The following DENND1C variants were observed in gnomAD, a reference collection of about 807,000 sequenced individuals.
The protein encoded by DENND1C is DENN domain containing 1C, also known as DENN domain-containing protein 1C.
A neutral mutation model predicts 87.9 loss-of-function variants in DENND1C; 64 were observed. The ratio of observed to expected loss-of-function variants is 0.73; its 90% CI spans 0.60 to 0.90. The LOEUF is 0.90. DENND1C is among the 40% of genes least tolerant of loss of function. The pLI is 0.00. For missense variants in DENND1C, 980 were observed against 1,037.0 expected (o/e 0.95, Z 0.76); for synonymous variants, 384 against 424.4 (o/e 0.90, Z 1.17).
chr19:6,481,261 C>T (rs1913546460), intron 1 of DENND1C, among the ~76,000 whole-genome samples: 3 of 151,802 alleles, frequency 2.0e-5, no homozygotes, highest in Admixed American at 1.3e-4. Context: ...ACACACAGTC[C>T]CCACCATGGG....
At chr19:6,475,629 G>C in intron 12 of DENND1C, 44 bp from the exon 13 acceptor site, 1 of 1,613,532 alleles carries the variant, frequency 6.2e-7, no homozygotes, top group Non-Finnish European at 8.5e-7. Flanking sequence ...GGGAGTCCTT[G>C]GCAGAGGAGG....
rs1349814787 is a variant in DENND1C, at chr19:6,477,247, G to A, written c.484C>T (p.Pro162Ser). Residue 162 changes from proline (P) to serine (S), a missense_variant, in exon 8 of 23, where the codon CCC becomes TCC. Transcript: ENST00000381480. ...TTGCTATTCCCCCGGGTAGGGGGGG[G>A]GATACCCTGCCCGCTGGAGACCGTC... ...GVTVSSGQGI[P>S]PPTRGNSKPL... 5.1e-6 allele frequency: 8 copies of A among 1,583,462 alleles called. No homozygotes were observed. The highest frequency in any genetic ancestry group is 6.9e-6 in the Non-Finnish European group (8 of 1,163,222).
chr19:6,475,217 C>T (rs990793431), intron 14 of DENND1C, 57 bp downstream of exon 14: 19 of 1,606,410 alleles, frequency 1.2e-5, no homozygotes, highest in African/African-American at 2.7e-5. Context: ...CCTATCGTTA[C>T]ATTGCGATTC....
At chr19:6,473,250 G>A (rs1227755202) in intron 14 of DENND1C, among the ~76,000 whole-genome samples, 1 of 152,138 alleles carries the variant, frequency 6.6e-6, no homozygotes, top group Non-Finnish European at 1.5e-5. Context: ...TGCCTCCAGG[G>A]TTCAAGCGAT....
rs59685749 is a variant in DENND1C at position 6,477,606 on chromosome 19, TTAATAATAA to T, written c.367-157_367-149del. Reference sequence around the variant, plus strand: ...TTTTTTTTTCTTTCTTTAAAAGAAATTAATAATAATAATAATAATAATAATAGAGACAAA... The same window carrying T: ...TTTTTTTTTCTTTCTTTAAAAGAAATTAATAATAATAATAATAGAGACAAA... On this transcript the variant is annotated intron_variant, in intron 6 of 22. Transcript: ENST00000381480. The T allele has an allele frequency of 9.1e-4, 167 of 183,506 alleles. 4 individuals are homozygous for T. Among genetic ancestry groups the T allele is most frequent in the African/African-American group, 4.6e-3 (156 of 34,074 alleles). The allele number at this position is 183,506 out of a possible 1,614,324, so 11.4% of individuals were successfully genotyped here. A position where few individuals can be genotyped will look rare whatever the true frequency, so the allele number is the denominator to read the frequency against.
intron 6 of DENND1C, among the ~76,000 whole-genome samples, chr19:6,478,009 A>G (rs955498983): frequency 3.3e-5 from 5 of 151,558 alleles, no homozygotes; most frequent in Admixed American, 6.5e-5. Context: ...CGGAATGCGG[A>G]GGTTGCAGTG....
At chr19:6,476,297 G>A (rs1168410288) in intron 10 of DENND1C, 5 of 251,198 alleles carry the variant, frequency 2.0e-5, no homozygotes, top group Non-Finnish European at 3.8e-5. Flanking sequence ...CGCCCCTAGG[G>A]GTGGATCCAA....
At chr19:6,475,981 T>C in intron 10 of DENND1C, 44 bp from the exon 11 acceptor site, 1 of 1,481,208 alleles carries the variant, frequency 6.8e-7, no homozygotes, top group South Asian at 1.3e-5. Context: ...CTGGACCCTC[T>C]AGCGCGAGGT....
Position 6,477,407 on chromosome 19 carries a change from C to G in DENND1C, c.418G>C (p.Gly140Arg). 6.2e-7 allele frequency: 1 copy of G among 1,613,422 alleles called. No homozygotes were observed. The highest frequency in any genetic ancestry group is 8.5e-7 in the Non-Finnish European group (1 of 1,179,758). The change falls in exon 7 of 23, where the codon GGG (glycine) becomes CGG (arginine). Residue 140 changes from glycine (G) to arginine (R), a missense_variant. Coordinates refer to ENST00000381480, the MANE Select transcript of DENND1C (RefSeq NM_024898.4). ...LQNLFQQSLS[G>R]PQASVGLELG... is the part of the protein sequence containing the mutation. ...TCAAGCCCCACTGAGGCCTGGGGCC[C>G]AGACAGGGACTGCTGAAACAGATTT...
At chr19:6,475,974 G>T (rs1568398825) in intron 10 of DENND1C, 37 bp from the exon 11 acceptor site, 1 of 1,509,098 alleles carries the variant, frequency 6.6e-7, no homozygotes. Flanking sequence ...TCAGGGCCTG[G>T]ACCCTCTAGC....
intron 14 of DENND1C, among the ~76,000 whole-genome samples, chr19:6,474,211 A>AG (rs1385146209): frequency 2.0e-5 from 3 of 150,828 alleles, no homozygotes; most frequent in Non-Finnish European, 4.5e-5. Flanking sequence ...AAAAAAAAAA[A>AG]AAAAGAAGAA....
chr19:6,475,193 G>T, intron 14 of DENND1C, 81 bp downstream of exon 14: 1 of 1,593,516 alleles, frequency 6.3e-7, no homozygotes, highest in South Asian at 1.1e-5. Context: ...CACTGCGTCC[G>T]GCCATCTACT....
chr19:6,471,717 G>A lies in DENND1C; in HGVS notation c.1159-221C>T, dbSNP rs567516802. ...GAGTGCAGTGGCGTGATCTCGGCTC[G>A]CTGCAACCTCCGCTTCCCGGGTTTA... On this transcript the variant is annotated intron_variant, in intron 15 of 22. Coordinates refer to ENST00000381480, the MANE Select transcript of DENND1C (RefSeq NM_024898.4). Among the ~76,000 whole-genome samples, 5 of 151,934 alleles carry A rather than the reference G, an allele frequency of 3.3e-5. No individual in the cohort carries two copies. The South Asian group carries it at 6.3e-4, about 19-fold the overall frequency.
In DENND1C at chr19:6,468,341, C is replaced by T. The variant is rs780186122; in HGVS notation, c.1684G>A (p.Glu562Lys). 52 of 1,613,722 alleles carry T rather than the reference C, an allele frequency of 3.2e-5. No individual in the cohort carries two copies. The Admixed American group carries it at 6.2e-4, about 19-fold the overall frequency. The change falls in exon 22 of 23, where the codon GAG (glutamate) becomes AAG (lysine). Residue 562 changes from glutamate (E) to lysine (K), a missense_variant. Physicochemically the swap from Glu to Lys is moderately conservative, Grantham distance 56 (BLOSUM62 1). Transcript: ENST00000381480. ...GSGEELDLLS[E>K]ILDSLSMGAK... ...CCCATGCTAAGACTGTCCAGAATCT[C>T]GCTCAACAAATCCAGTTCTTCTCCA...
intron 14 of DENND1C, among the ~76,000 whole-genome samples, chr19:6,474,212 A>AG (rs2092846244): frequency 6.6e-6 from 1 of 150,926 alleles, no homozygotes; most frequent in Non-Finnish European, 1.5e-5. Flanking sequence ...AAAAAAAAAA[A>AG]AAAGAAGAAG....
chr19:6,469,326 C>A, intron 19 of DENND1C: 1 of 503,926 alleles, frequency 2.0e-6, no homozygotes, highest in South Asian at 2.2e-5. Context: ...CCACCGTGCC[C>A]AGCCACAGTC....
intron 18 of DENND1C, 83 bp downstream of exon 18, chr19:6,470,212 C>T (rs2092819681): frequency 3.6e-6 from 5 of 1,399,734 alleles, no homozygotes; most frequent in Non-Finnish European, 4.0e-6. Context: ...GGTCAAAATA[C>T]TCCATCCTTG....
At chr19:6,473,921 G>A (rs114825917) in intron 14 of DENND1C, among the ~76,000 whole-genome samples, 2,039 of 152,164 alleles carry the variant, frequency 0.013, 48 homozygotes, top group African/African-American at 0.047. Flanking sequence ...GAGGCCGGGC[G>A]CGGTGGATCA....
At chr19:6,472,270 A>C (rs1242056330) in intron 15 of DENND1C, among the ~76,000 whole-genome samples, 1 of 128,356 alleles carries the variant, frequency 7.8e-6, no homozygotes, top group Non-Finnish European at 1.6e-5. Flanking sequence ...CCGCCACCCC[A>C]GTCCCAGAAA....
Sources: gnomAD v4.1 joint callset for allele counts (sites outside exome capture counted in the v4.1 genomes callset) on GRCh38, gnomAD v4.1.1 for gene constraint, MANE v1.5 for transcripts, NCBI Gene and HGNC (gene_info 2026-07-23, HGNC 2026-07-21) for gene names.